Variants in SUPT3H observed in about 807,000 individuals in gnomAD.
SUPT3H encodes transcription initiation protein SPT3 homolog.
Under a neutral mutation model 44.3 loss-of-function variants are expected in SUPT3H, and 44 were observed. The observed-to-expected ratio is 0.99, with a 90% CI of 0.78 to 1.28. SUPT3H has a LOEUF of 1.28. Among genes scored for constraint, SUPT3H ranks in the 50% most tolerant of loss-of-function variants. SUPT3H has a pLI of 0.00. For synonymous variants in SUPT3H, 124 were observed against 125.6 expected (o/e 0.99, Z 0.09); for missense variants, 380 against 387.1 (o/e 0.98, Z 0.15).
chr6:44,908,714 A>G (rs1453090391), intron 10 of SUPT3H, among the ~76,000 whole-genome samples: 1 of 152,164 alleles, frequency 6.6e-6, no homozygotes, highest in Non-Finnish European at 1.5e-5. Context: ...AGCACTATGC[A>G]AAGAACTGTG....
chr6:45,179,363 C>T (rs1425295293), intron 2 of SUPT3H, among the ~76,000 whole-genome samples: 4 of 152,136 alleles, frequency 2.6e-5, no homozygotes, highest in Admixed American at 1.3e-4. Flanking sequence ...AGGGAATCCT[C>T]CCTAACTCAT....
At chr6:45,048,283 C>G (rs1789746008) in intron 3 of SUPT3H, among the ~76,000 whole-genome samples, 1 of 112,734 alleles carries the variant, frequency 8.9e-6, no homozygotes, top group African/African-American at 3.9e-5. Flanking sequence ...TCCCATTCAT[C>G]TATTTTCACT....
intron 2 of SUPT3H, among the ~76,000 whole-genome samples, chr6:45,256,774 C>T (rs1182566082): frequency 6.6e-6 from 1 of 152,136 alleles, no homozygotes; most frequent in Admixed American, 6.5e-5. Flanking sequence ...TACTTCCGTC[C>T]TTTTTGTGCC....
rs562441561 is a variant in SUPT3H, at chr6:45,234,522, C to T, written c.102-128516G>A. Among the ~76,000 whole-genome samples the T allele has an allele frequency of 9.1e-3, 1,047 of 115,314 alleles. 17 individuals are homozygous for T. The highest frequency in any genetic ancestry group is 0.029 in the African/African-American group (952 of 32,422). 75.7% of individuals were successfully genotyped at this position (115,314 alleles called of 152,430 possible). A position where few individuals can be genotyped will look rare whatever the true frequency, so the allele number is the denominator to read the frequency against. ...CTCCTGCCTGGGAGACAGAACGAGA[C>T]GCTGTCACAAAAAAAAAAAAAAAAA... On this transcript the variant is annotated intron_variant, in intron 2 of 10. Coordinates refer to ENST00000371459, the MANE Select transcript of SUPT3H (RefSeq NM_003599.4).
intron 2 of SUPT3H, among the ~76,000 whole-genome samples, chr6:45,197,027 T>C (rs1037556124): frequency 2.0e-5 from 3 of 151,642 alleles, no homozygotes; most frequent in African/African-American, 7.2e-5. Flanking sequence ...GTACAAAAGG[T>C]TAACATAAAA....
chr6:45,108,166 A>G (rs1385635088), intron 2 of SUPT3H, among the ~76,000 whole-genome samples: 1 of 152,228 alleles, frequency 6.6e-6, no homozygotes, highest in Non-Finnish European at 1.5e-5. Flanking sequence ...TTCCAGGCAA[A>G]GCAATTAGGT....
At chr6:44,876,826 A>T (rs1013980415) in intron 10 of SUPT3H, among the ~76,000 whole-genome samples, 29 of 137,736 alleles carry the variant, frequency 2.1e-4, no homozygotes, top group African/African-American at 6.7e-4. Context: ...AAAAATAAAG[A>T]TCTTCAATTG....
intron 10 of SUPT3H, among the ~76,000 whole-genome samples, chr6:44,836,713 T>G (rs908981236): frequency 2.6e-5 from 4 of 152,244 alleles, no homozygotes; most frequent in Non-Finnish European, 5.9e-5. Flanking sequence ...TTTCAAATTA[T>G]GAGATATATT....
At chr6:45,075,680 G>T (rs2153555216) in intron 3 of SUPT3H, among the ~76,000 whole-genome samples, 1 of 152,194 alleles carries the variant, frequency 6.6e-6, no homozygotes, top group African/African-American at 2.4e-5. Flanking sequence ...TATAACGACT[G>T]CAAGTTCCAG....
chr6:45,305,122 T>C (rs968551770), intron 2 of SUPT3H, among the ~76,000 whole-genome samples: 2 of 152,246 alleles, frequency 1.3e-5, no homozygotes, highest in Non-Finnish European at 2.9e-5. Flanking sequence ...TGGCTAATTA[T>C]AGTTTGTAGA....
At chr6:45,113,827 C>CAAAAAAAAAAAAAAAAA (rs374606230) in intron 2 of SUPT3H, among the ~76,000 whole-genome samples, 25 of 112,748 alleles carry the variant, frequency 2.2e-4, no homozygotes, top group African/African-American at 8.2e-4. Flanking sequence ...AAGACTCCAT[C>CAAAAAAAAAAAAAAAAA]AAAAAAAAAA....
intron 10 of SUPT3H, among the ~76,000 whole-genome samples, chr6:44,849,902 T>C (rs1454019976): frequency 6.6e-6 from 1 of 152,188 alleles, no homozygotes; most frequent in Non-Finnish European, 1.5e-5. Flanking sequence ...CTGTTGGCAA[T>C]GTATTTAGCT....
intron 2 of SUPT3H, among the ~76,000 whole-genome samples, chr6:45,141,338 CAA>C (rs1162738855): frequency 4.4e-5 from 2 of 45,280 alleles, no homozygotes; most frequent in African/African-American, 1.1e-4. Context: ...GACTCCATCT[CAA>C]AAAAAAAAAA....
At chr6:45,351,082 T>C (rs1362687161) in intron 2 of SUPT3H, among the ~76,000 whole-genome samples, 6 of 152,242 alleles carry the variant, frequency 3.9e-5, no homozygotes, top group Middle Eastern at 3.4e-3. Flanking sequence ...ATACGCCCCA[T>C]GTCCCCACCC....
At chr6:44,895,097 G>A (rs1365366354) in intron 10 of SUPT3H, among the ~76,000 whole-genome samples, 1 of 151,674 alleles carries the variant, frequency 6.6e-6, no homozygotes. Context: ...TTTTTCCTCA[G>A]TTTAGATTCA....
chr6:45,246,155 T>C lies in SUPT3H; in HGVS notation c.101+119046A>G, dbSNP rs1771302835. On this transcript the variant is annotated intron_variant, in intron 2 of 10. Transcript: ENST00000371459. ...TTTCTGTTGAGTTTTGGGAGTTCTTTATGTATTCTGGATATTAACCCCTTA... is the reference window on the plus strand; with the variant it reads ...TTTCTGTTGAGTTTTGGGAGTTCTTCATGTATTCTGGATATTAACCCCTTA... 3.3e-5 allele frequency among the ~76,000 whole-genome samples: 5 copies of C among 152,162 alleles called. No homozygotes were observed. In the South Asian group the frequency reaches 8.3e-4, roughly 25 times the overall value.
chr6:45,310,852 A>G (rs1343017236), intron 2 of SUPT3H, among the ~76,000 whole-genome samples: 1 of 152,214 alleles, frequency 6.6e-6, no homozygotes, highest in Admixed American at 6.5e-5. Flanking sequence ...CAACCCTGGT[A>G]ATATGACAAA....
chr6:45,019,090 C>T (rs1481830886), intron 4 of SUPT3H, among the ~76,000 whole-genome samples: 2 of 152,142 alleles, frequency 1.3e-5, no homozygotes. Flanking sequence ...GTGTATCTGT[C>T]AAGGAATTTA....
chr6:45,332,548 T>C (rs894736163), intron 2 of SUPT3H, among the ~76,000 whole-genome samples: 4 of 151,918 alleles, frequency 2.6e-5, no homozygotes, highest in African/African-American at 7.2e-5. Flanking sequence ...ACCTTTGTTC[T>C]AGGATACTAA....
Sources: gnomAD v4.1 joint callset for allele counts (sites outside exome capture counted in the v4.1 genomes callset) on GRCh38, gnomAD v4.1.1 for gene constraint, MANE v1.5 for transcripts, NCBI Gene and HGNC (gene_info 2026-07-23, HGNC 2026-07-21) for gene names.